The following ZNRF1 variants were observed in gnomAD, a reference collection of about 807,000 sequenced individuals.
ZNRF1 encodes zinc and ring finger 1, also known as E3 ubiquitin-protein ligase ZNRF1.
A neutral mutation model predicts 18.4 loss-of-function variants in ZNRF1; 3 were observed. The observed-to-expected ratio is 0.16, with a 90% CI of 0.07 to 0.42. The LOEUF is 0.42. Ranked by LOEUF, ZNRF1 falls within the 10% of genes least tolerant of loss-of-function variation. The probability of loss-of-function intolerance (pLI) is 0.99; values close to 1 mark genes in which losing one functional copy is unlikely to be tolerated. For missense variants in ZNRF1, 310 were observed against 329.8 expected, an observed-to-expected ratio of 0.94 and a Z score of 0.47; for synonymous variants, 157 against 144.2, an observed-to-expected ratio of 1.09 and a Z score of -0.64.
intron 1 of ZNRF1, among the ~76,000 whole-genome samples, chr16:75,043,295 A>G (rs2035472830): frequency 6.6e-6 from 1 of 152,204 alleles, no homozygotes. Flanking sequence ...GTAACACATT[A>G]TCACTGAAAC....
At chr16:75,074,108 T>A (rs2035908750) in intron 1 of ZNRF1, among the ~76,000 whole-genome samples, 1 of 152,184 alleles carries the variant, frequency 6.6e-6, no homozygotes, top group South Asian at 2.1e-4. Flanking sequence ...AAACTCGTGC[T>A]GCTCCTTCCG....
At chr16:75,011,054 A>G (rs750901113) in intron 1 of ZNRF1, among the ~76,000 whole-genome samples, 26 of 152,268 alleles carry the variant, frequency 1.7e-4, no homozygotes, top group Admixed American at 3.9e-4. Context: ...AGGAGAACCT[A>G]AGATCACAGG....
intron 1 of ZNRF1, among the ~76,000 whole-genome samples, chr16:75,014,688 G>A (rs1374355007): frequency 6.6e-6 from 1 of 152,110 alleles, no homozygotes; most frequent in Non-Finnish European, 1.5e-5. Flanking sequence ...GTGCATGTGT[G>A]TGTATCTTCA....
rs1241832326 is a variant in ZNRF1, at chr16:74,999,447, C to T, written c.-225C>T. ...GACCTTGAGGGGAAACATGCGTTTG[C>T]CTTGGATCGTTTGAAATTCTGAGTT... On this transcript the variant is annotated 5_prime_UTR_variant, in exon 1 of 5. Coordinates refer to ENST00000335325, the MANE Select transcript of ZNRF1 (RefSeq NM_032268.5). 4.0e-5 allele frequency: 16 copies of T among 400,550 alleles called. No homozygotes were observed. In the East Asian group the frequency reaches 5.9e-4, roughly 15 times the overall value. 24.8% of individuals were successfully genotyped at this position (400,550 alleles called of 1,614,324 possible).
chr16:75,026,930 A>G (rs1456910944), intron 1 of ZNRF1, among the ~76,000 whole-genome samples: 7 of 151,342 alleles, frequency 4.6e-5, no homozygotes, highest in Non-Finnish European at 8.8e-5. Flanking sequence ...AAGAAAAAGA[A>G]TATCACTAAT....
intron 1 of ZNRF1, among the ~76,000 whole-genome samples, chr16:75,048,408 G>A (rs1000143628): frequency 6.6e-6 from 1 of 152,104 alleles, no homozygotes; most frequent in Non-Finnish European, 1.5e-5. Flanking sequence ...TTTGGGGAGG[G>A]ACACTATTCA....
intron 1 of ZNRF1, among the ~76,000 whole-genome samples, chr16:75,033,407 C>G (rs1175964653): frequency 6.7e-6 from 1 of 148,966 alleles, no homozygotes; most frequent in Non-Finnish European, 1.5e-5. Flanking sequence ...CATTTAAGTG[C>G]TATTTAATTT....
Position 74,999,941 on chromosome 16 carries a change from G to T in ZNRF1, c.270G>T (p.Gly90=). 5.1e-6 allele frequency: 8 copies of T among 1,569,066 alleles called. No homozygotes were observed. Among genetic ancestry groups the T allele is most frequent in the Non-Finnish European group, 6.9e-6 (8 of 1,158,390 alleles). The change falls in exon 1 of 5, where the codon GGG becomes GGT. Residue 90 remains glycine, a synonymous_variant. Coordinates refer to ENST00000335325, the MANE Select transcript of ZNRF1 (RefSeq NM_032268.5). Reference sequence around the variant, plus strand: ...CCGAGAGGGCGCCCGGCGGCGGAGGGTCTGCGTCCGACTCCACCTATGCCC... The same window carrying T: ...CCGAGAGGGCGCCCGGCGGCGGAGGTTCTGCGTCCGACTCCACCTATGCCC... ...GDSERAPGGG[G]SASDSTYAHG...
chr16:75,088,831 AT>A (rs1314605686), intron 1 of ZNRF1, among the ~76,000 whole-genome samples: 1 of 152,184 alleles, frequency 6.6e-6, no homozygotes, highest in African/African-American at 2.4e-5. Flanking sequence ...AATGCAAACT[AT>A]TATTTATTAT....
intron 1 of ZNRF1, among the ~76,000 whole-genome samples, chr16:75,080,767 G>T (rs2036000445): frequency 2.0e-5 from 3 of 152,186 alleles, no homozygotes; most frequent in African/African-American, 2.4e-5. Context: ...CCAGCTACTT[G>T]AGGGGCTGAG....
intron 1 of ZNRF1, among the ~76,000 whole-genome samples, chr16:75,015,426 T>G (rs1331482651): frequency 6.6e-6 from 1 of 152,126 alleles, no homozygotes; most frequent in African/African-American, 2.4e-5. Flanking sequence ...AAATACAAAA[T>G]GAGCTGGGCG....
intron 1 of ZNRF1, among the ~76,000 whole-genome samples, chr16:75,034,155 T>C (rs1026458350): frequency 5.9e-5 from 9 of 152,182 alleles, no homozygotes; most frequent in Non-Finnish European, 1.5e-5. Context: ...AGGCTCCGTC[T>C]CAAAAACAAA....
chr16:74,999,580 C>G lies in ZNRF1; in HGVS notation c.-92C>G, dbSNP rs1328688335. Reference sequence around the variant, plus strand: ...CCGGGTCTCCTTTTTGACTCCCTCCCCCTTTATGCTCGCCCAGCCCTCCCC... The same window carrying G: ...CCGGGTCTCCTTTTTGACTCCCTCCGCCTTTATGCTCGCCCAGCCCTCCCC... On this transcript the variant is annotated 5_prime_UTR_variant, in exon 1 of 5. Transcript: ENST00000335325. The G allele has an allele frequency of 6.2e-6, 6 of 961,698 alleles. No homozygotes were observed. Among genetic ancestry groups the G allele is most frequent in the Non-Finnish European group, 8.2e-6 (6 of 727,628 alleles). 59.6% of individuals were successfully genotyped at this position (961,698 alleles called of 1,614,324 possible).
chr16:75,031,055 C>CT (rs1013251214), intron 1 of ZNRF1, among the ~76,000 whole-genome samples: 4 of 151,562 alleles, frequency 2.6e-5, no homozygotes, highest in Non-Finnish European at 4.4e-5. Flanking sequence ...CCAGGCTCGT[C>CT]TTGAACGCCT....
At chr16:75,037,210 T>G (rs1028291124) in intron 1 of ZNRF1, among the ~76,000 whole-genome samples, 10 of 152,226 alleles carry the variant, frequency 6.6e-5, no homozygotes, top group African/African-American at 2.2e-4. Flanking sequence ...TTCCTCCTGT[T>G]TCAGCAAACT....
intron 1 of ZNRF1, among the ~76,000 whole-genome samples, chr16:75,016,729 G>A: frequency 8.1e-6 from 1 of 123,836 alleles, no homozygotes. Context: ...TGTATGAGTA[G>A]AGATGGGGTT....
At chr16:75,041,747 TTC>T (rs1390196557) in intron 1 of ZNRF1, among the ~76,000 whole-genome samples, 1 of 151,928 alleles carries the variant, frequency 6.6e-6, no homozygotes, top group East Asian at 1.9e-4. Flanking sequence ...GCTTGTTGTT[TTC>T]TGTTTTTAAG....
intron 1 of ZNRF1, among the ~76,000 whole-genome samples, chr16:75,020,112 C>T (rs951952725): frequency 5.9e-5 from 9 of 152,140 alleles, no homozygotes; most frequent in African/African-American, 1.7e-4. Flanking sequence ...AACGTGTCTG[C>T]ATATAATTTG....
At chr16:75,013,980 C>A (rs2035033909) in intron 1 of ZNRF1, among the ~76,000 whole-genome samples, 1 of 151,996 alleles carries the variant, frequency 6.6e-6, no homozygotes, top group Non-Finnish European at 1.5e-5. Flanking sequence ...CAGGCAAACA[C>A]CACCACACCC....
Sources: allele counts gnomAD v4.1 joint callset (sites outside exome capture counted in the v4.1 genomes callset), GRCh38; gene constraint gnomAD v4.1.1; transcripts MANE v1.5; gene names NCBI Gene and HGNC (gene_info 2026-07-23, HGNC 2026-07-21).